NLGN1: variants seen among roughly 807,000 people sequenced by gnomAD.
NLGN1 encodes neuroligin 1, also known as neuroligin-1.
A neutral mutation model predicts 65.5 loss-of-function variants in NLGN1; 12 were observed. The ratio of observed to expected loss-of-function variants is 0.18; its 90% CI spans 0.12 to 0.30. The LOEUF (loss-of-function observed/expected upper bound fraction) is 0.30, where lower values mean the gene tolerates loss of function less well. Among genes scored for constraint, NLGN1 ranks in the 10% least tolerant of loss-of-function variants. The pLI is 1.00. For synonymous variants in NLGN1, 350 were observed against 359.5 expected, an observed-to-expected ratio of 0.97 and a Z score of 0.30; for missense variants, 750 against 1,007.1, an observed-to-expected ratio of 0.74 and a Z score of 3.46.
intron 2 of NLGN1, among the ~76,000 whole-genome samples, chr3:173,436,114 A>G (rs542003507): frequency 1.3e-5 from 2 of 152,190 alleles, no homozygotes; most frequent in Non-Finnish European, 2.9e-5. Flanking sequence ...CAATTTACCA[A>G]ACACTGAGTG....
At chr3:173,403,864 C>T (rs75876173) in intron 1 of NLGN1, among the ~76,000 whole-genome samples, 3,814 of 152,010 alleles carry the variant, frequency 0.025, 139 homozygotes, top group African/African-American at 0.082. Flanking sequence ...AGTGCCATCG[C>T]GCATCACTCA....
intron 4 of NLGN1, among the ~76,000 whole-genome samples, chr3:174,068,153 C>T (rs775229756): frequency 3.3e-5 from 5 of 151,404 alleles, no homozygotes; most frequent in Non-Finnish European, 7.4e-5. Flanking sequence ...GTAGCAGTAG[C>T]CTTTTAGAGC....
At chr3:173,883,181 G>C (rs899637027) in intron 4 of NLGN1, among the ~76,000 whole-genome samples, 24 of 151,762 alleles carry the variant, frequency 1.6e-4, no homozygotes, top group African/African-American at 5.8e-4. Flanking sequence ...AGTGAGACAT[G>C]TGTGACTCTT....
intron 4 of NLGN1, among the ~76,000 whole-genome samples, chr3:173,878,780 G>GA (rs1243636067): frequency 1.3e-5 from 2 of 151,654 alleles, no homozygotes. Context: ...TAGCAGAGAA[G>GA]AAAACAATTA....
rs1040005002 is a variant in NLGN1 at position 174,137,178 on chromosome 3, A to G, written c.647-138137A>G. On this transcript the variant is annotated intron_variant, in intron 4 of 6. Transcript: ENST00000457714. ...ACCACCATTGCAAAGTTGAAAAATC[A>G]TAAGTGGAACCATCCTAAATTGAGG... Among the ~76,000 whole-genome samples, 4 of 152,128 alleles carry G rather than the reference A, an allele frequency of 2.6e-5. No individual in the cohort carries two copies. The East Asian group carries it at 5.8e-4, about 22-fold the overall frequency.
chr3:173,771,640 G>GCTTTATTCATTCATCTA (rs1779601901), intron 3 of NLGN1, among the ~76,000 whole-genome samples: 1 of 151,858 alleles, frequency 6.6e-6, no homozygotes. Context: ...GAAAATTAGA[G>GCTTTATTCATTCATCTA]GTCTCTAGAA....
At chr3:173,908,228 G>A (rs529633883) in intron 4 of NLGN1, among the ~76,000 whole-genome samples, 1 of 152,122 alleles carries the variant, frequency 6.6e-6, no homozygotes, top group Non-Finnish European at 1.5e-5. Flanking sequence ...AACATCACAC[G>A]TATCTAGTGG....
intron 4 of NLGN1, among the ~76,000 whole-genome samples, chr3:174,021,414 CTT>C (rs1356031014): frequency 1.3e-5 from 2 of 151,942 alleles, no homozygotes; most frequent in Non-Finnish European, 2.9e-5. Context: ...TTAAAAATAT[CTT>C]TTTGTGTAAT....
At chr3:174,189,364 T>C (rs1167057369) in intron 4 of NLGN1, among the ~76,000 whole-genome samples, 1 of 151,996 alleles carries the variant, frequency 6.6e-6, no homozygotes, top group Non-Finnish European at 1.5e-5. Context: ...TTCAACATCT[T>C]AAGTTACTCA....
intron 2 of NLGN1, among the ~76,000 whole-genome samples, chr3:173,580,128 A>G (rs1746163233): frequency 6.6e-6 from 1 of 152,156 alleles, no homozygotes; most frequent in Non-Finnish European, 1.5e-5. Context: ...ATTTTTCAAA[A>G]AAAACCCCAC....
intron 4 of NLGN1, among the ~76,000 whole-genome samples, chr3:173,901,374 T>G (rs62292080): frequency 0.093 from 12,824 of 137,634 alleles, 1,087 homozygotes; most frequent in East Asian, 0.31. Context: ...TGGGGGGGTG[T>G]GTGTGTGTGT....
intron 4 of NLGN1, among the ~76,000 whole-genome samples, chr3:174,162,691 G>C (rs930682173): frequency 6.6e-6 from 1 of 151,336 alleles, no homozygotes; most frequent in African/African-American, 2.4e-5. Flanking sequence ...CCATGAATTA[G>C]CACTAAGAAA....
At chr3:173,703,390 C>G (rs903505073) in intron 3 of NLGN1, among the ~76,000 whole-genome samples, 1 of 152,050 alleles carries the variant, frequency 6.6e-6, no homozygotes, top group Non-Finnish European at 1.5e-5. Context: ...AATTGGTAAT[C>G]AACAGATAAT....
At chr3:173,396,716 CG>C (rs1306707059), upstream of NLGN1, 2 of 152,210 alleles carry the variant, frequency 1.3e-5, no homozygotes, top group Non-Finnish European at 2.9e-5. Context: ...TTCCTGCGTC[CG>C]CCGAGCTCCG....
intron 4 of NLGN1, among the ~76,000 whole-genome samples, chr3:174,079,917 G>T (rs991642356): frequency 6.6e-6 from 1 of 152,012 alleles, no homozygotes; most frequent in Non-Finnish European, 1.5e-5. Flanking sequence ...GAAAGGATCA[G>T]GAAAAATAAC....
chr3:173,884,971 T>G lies in NLGN1; in HGVS notation c.646+77139T>G, dbSNP rs116112415. Among the ~76,000 whole-genome samples the G allele has an allele frequency of 2.9e-3, 445 of 152,180 alleles. 6 individuals are homozygous for G. Among genetic ancestry groups the G allele is most frequent in the Middle Eastern group, 0.01 (3 of 294 alleles). On this transcript the variant is annotated intron_variant, in intron 4 of 6. Coordinates refer to ENST00000457714, the Ensembl canonical transcript of NLGN1. Reference sequence around the variant, plus strand: ...GAAGGGACTTACCCTCTCAAGCCCTTTTATAGGTTGCTGATCTCATACATA... The same window carrying G: ...GAAGGGACTTACCCTCTCAAGCCCTGTTATAGGTTGCTGATCTCATACATA...
chr3:174,253,718 T>C (rs942575687), intron 4 of NLGN1, among the ~76,000 whole-genome samples: 3 of 152,188 alleles, frequency 2.0e-5, no homozygotes, highest in African/African-American at 7.2e-5. Context: ...GAGATTCAGA[T>C]CACTGCCTCT....
chr3:173,679,831 T>C (rs1763711304), intron 3 of NLGN1, among the ~76,000 whole-genome samples: 1 of 152,116 alleles, frequency 6.6e-6, no homozygotes, highest in South Asian at 2.1e-4. Context: ...TATGTGCTTA[T>C]GACTAGACAA....
intron 2 of NLGN1, among the ~76,000 whole-genome samples, chr3:173,442,863 T>A (rs1172206055): frequency 6.6e-6 from 1 of 152,182 alleles, no homozygotes; most frequent in East Asian, 1.9e-4. Context: ...TAGTATGACT[T>A]GGTCTAACAA....
Sources: gnomAD v4.1 joint callset for allele counts (sites outside exome capture counted in the v4.1 genomes callset) on GRCh38, gnomAD v4.1.1 for gene constraint, MANE v1.5 for transcripts, NCBI Gene and HGNC (gene_info 2026-07-23, HGNC 2026-07-21) for gene names.